ATG16L2: variants seen among roughly 807,000 people sequenced by gnomAD.
The protein encoded by ATG16L2 is protein Atg16l2.
Under a neutral mutation model 84.7 loss-of-function variants are expected in ATG16L2, and 77 were observed. The ratio of observed to expected loss-of-function variants is 0.91; its 90% CI spans 0.76 to 1.10. ATG16L2 has a LOEUF of 1.10. Among genes scored for constraint, ATG16L2 ranks in the 50% least tolerant of loss-of-function variants. The pLI is 0.00. For synonymous variants in ATG16L2, 361 were observed against 342.8 expected (o/e 1.05, Z -0.59); for missense variants, 782 against 817.6 (o/e 0.96, Z 0.53).
exon 6 of ATG16L2, chr11:72,843,224 G>A: frequency 6.2e-7 from 1 of 1,614,022 alleles, no homozygotes; most frequent in Non-Finnish European, 8.5e-7. Flanking sequence ...GTGACCGACT[G>A]TCCAAAGCGG....
intron 15 of ATG16L2, 27 bp from the exon 16 acceptor site, chr11:72,828,702 T>C: frequency 6.2e-7 from 1 of 1,613,986 alleles, no homozygotes; most frequent in Non-Finnish European, 8.5e-7. Context: ...TGACCTCTGT[T>C]CTGACCCCAG....
chr11:72,841,619 C>A, intron 5 of ATG16L2: 1 of 1,552,662 alleles, frequency 6.4e-7, no homozygotes, highest in East Asian at 2.3e-5. Flanking sequence ...CCGGTGCTCC[C>A]CTCCAGGAAG....
At chr11:72,816,990 GC>G (rs1201338689) in intron 2 of ATG16L2, among the ~76,000 whole-genome samples, 163 bp downstream of exon 2, 1 of 152,102 alleles carries the variant, frequency 6.6e-6, no homozygotes, top group African/African-American at 2.4e-5. Flanking sequence ...GGGGAGGCAG[GC>G]CCTTGGCCTT....
At chr11:72,833,364 A>G (rs897549921), downstream of ATG16L2, among the ~76,000 whole-genome samples, 5 of 152,230 alleles carry the variant, frequency 3.3e-5, no homozygotes, top group Admixed American at 6.5e-5. Flanking sequence ...ACATTACCCT[A>G]TTTCATCCTC....
chr11:72,833,363 T>C (rs779638371), downstream of ATG16L2, among the ~76,000 whole-genome samples: 6 of 152,240 alleles, frequency 3.9e-5, no homozygotes, highest in Non-Finnish European at 8.8e-5. Flanking sequence ...TACATTACCC[T>C]ATTTCATCCT....
At position 72,821,653 on chromosome 11, in the gene ATG16L2, C is replaced by G. The variant is rs760470731; in HGVS notation, c.319-15C>G. 5.2e-6 allele frequency: 8 copies of G among 1,531,868 alleles called. No homozygotes were observed. The highest frequency in any genetic ancestry group is 4.1e-5 in the African/African-American group (3 of 72,848). The allele number at this position is 1,531,868 out of a possible 1,614,324, so 94.9% of individuals were successfully genotyped here. On this transcript the variant is annotated splice_polypyrimidine_tract_variant and intron_variant, in intron 3 of 17. Transcript: ENST00000321297. ...AGGGGCCTCAGCGCCGCCGTGCCCA[C>G]CTGTCCGCCCCCAGATGGCCTACCA...
At chr11:72,821,933 C>T in intron 4 of ATG16L2, 111 bp from the exon 5 acceptor site, 1 of 1,422,978 alleles carries the variant, frequency 7.0e-7, no homozygotes, top group Non-Finnish European at 9.2e-7. Context: ...GCTTAGCCAC[C>T]CGGCTAGCCG....
chr11:72,815,405 G>A (rs948139087), intron 1 of ATG16L2, among the ~76,000 whole-genome samples: 1 of 152,130 alleles, frequency 6.6e-6, no homozygotes, highest in Non-Finnish European at 1.5e-5. Flanking sequence ...CTACCTTCAG[G>A]GTTGCGAGGC....
chr11:72,824,115 C>T lies in ATG16L2; in HGVS notation c.880C>T (p.Leu294Phe). The part of the protein sequence containing the change: ...LSHCVDVVKG[L>F]LDFKKRRGHS... ...CCACTGTGTGGATGTGGTGAAGGGG[C>T]TTCTGGAGTAAGTGTGTGTGTGCCT... The change falls in exon 8 of 18, where the codon CTT (leucine) becomes TTT (phenylalanine). Residue 294 changes from leucine to phenylalanine, a missense_variant. Physicochemically the swap from Leu to Phe is conservative, Grantham distance 22. Coordinates refer to ENST00000321297, the MANE Select transcript of ATG16L2 (RefSeq NM_033388.2). The T allele has an allele frequency of 6.2e-7, 1 of 1,614,206 alleles. No individual in the cohort carries two copies. The highest frequency in any genetic ancestry group is 2.2e-5 in the East Asian group (1 of 44,880).
At chr11:72,835,722 C>A (rs1860711375) in intron 5 of ATG16L2, among the ~76,000 whole-genome samples, 1 of 151,884 alleles carries the variant, frequency 6.6e-6, no homozygotes, top group Non-Finnish European at 1.5e-5. Context: ...ACTTAGGAAT[C>A]TACCCAACAT....
In ATG16L2 at chr11:72,817,858, A is replaced by T. The variant is rs775678649; in HGVS notation, c.318+3A>T. ...GGCTCCGGCTGGTCTGTGGTGAGGT[A>T]AGTTGGGAAGGGGTCTGAAAATGGG... On this transcript the variant is annotated splice_donor_region_variant and intron_variant, in intron 3 of 17. Transcript: ENST00000321297. 1.2e-6 allele frequency: 2 copies of T among 1,607,698 alleles called. No homozygotes were observed. The highest frequency in any genetic ancestry group is 1.7e-6 in the Non-Finnish European group (2 of 1,179,412).
chr11:72,831,101 C>T (rs1459234401), downstream of ATG16L2, among the ~76,000 whole-genome samples: 3 of 152,216 alleles, frequency 2.0e-5, no homozygotes, highest in Non-Finnish European at 2.9e-5. Context: ...TATCTGCCTC[C>T]TCCATTTTAA....
intron 5 of ATG16L2, chr11:72,838,952 C>G: frequency 7.4e-7 from 1 of 1,359,178 alleles, no homozygotes; most frequent in Non-Finnish European, 1.0e-6. Flanking sequence ...CCTAATCACT[C>G]ATCTGTCCAA....
At chr11:72,841,694 T>C in intron 5 of ATG16L2, 1 of 1,182,160 alleles carries the variant, frequency 8.5e-7, no homozygotes, top group Non-Finnish European at 1.2e-6. Flanking sequence ...AAGCTGATTG[T>C]TGAAACTTGT....
rs1860088100 is a variant in ATG16L2 at position 72,822,752 on chromosome 11, A to C, written c.711-96A>C. On this transcript the variant is annotated intron_variant, in intron 6 of 17. Coordinates refer to ENST00000321297, the MANE Select transcript of ATG16L2 (RefSeq NM_033388.2). This position sits in a 1 kb window ranked among gnomAD's most constrained non-coding sequence, Gnocchi z 4.2. The stretch of plus-strand genomic sequence containing the variant: ...ACGTGTACACCCACACAGAACCCTC[A>C]TCACTGGGAATTCCTGTCTTCAGCG... 1 of 1,091,862 alleles carries C rather than the reference A, an allele frequency of 9.2e-7. No homozygotes were observed. Among genetic ancestry groups the C allele is most frequent in the East Asian group, 2.6e-5 (1 of 38,674 alleles). The allele number at this position is 1,091,862 out of a possible 1,614,324, so 67.6% of individuals were successfully genotyped here.
downstream of ATG16L2, among the ~76,000 whole-genome samples, chr11:72,829,896 G>A (rs1255861214): frequency 6.6e-6 from 1 of 152,212 alleles, no homozygotes; most frequent in African/African-American, 2.4e-5. Flanking sequence ...GGGCCCACCT[G>A]CTTCAGGCAC....
chr11:72,837,551 A>ACAGTCGACAGCG lies in ATG16L2; in HGVS notation c.*22-5066_*22-5065insCAGTCGACAGCG, dbSNP rs1565278192. ...CCTACCTTCTACAGGAGCGGACAGCAGACAGTCAGCACCTGACGTGGGGGC... is the reference window on the plus strand; with the variant it reads ...CCTACCTTCTACAGGAGCGGACAGCACAGTCGACAGCGGACAGTCAGCACCTGACGTGGGGGC... On this transcript the variant is annotated intron_variant, in intron 5 of 5. Coordinates refer to the ATG16L2 transcript ENST00000534905. 5 of 152,238 alleles carry ACAGTCGACAGCG rather than the reference A, an allele frequency of 3.3e-5. No individual in the cohort carries two copies. In the East Asian group the frequency reaches 9.7e-4, roughly 29 times the overall value. 9.4% of individuals were successfully genotyped at this position (152,238 alleles called of 1,614,324 possible). A position where few individuals can be genotyped will look rare whatever the true frequency, so the allele number is the denominator to read the frequency against.
intron 1 of ATG16L2, among the ~76,000 whole-genome samples, chr11:72,814,896 G>A (rs764042916): frequency 9.8e-5 from 15 of 152,338 alleles, no homozygotes; most frequent in Middle Eastern, 6.8e-3. Context: ...CAGTCCCCGG[G>A]GTAGGGGCTT....
chr11:72,826,787 C>T lies in ATG16L2; in HGVS notation c.1330C>T (p.Arg444Trp), dbSNP rs1860385892. Reference protein sequence around the residue: ...RHQAVTGSRDRTVKEWDLGRA... With the variant: ...RHQAVTGSRDWTVKEWDLGRA... ...CCAGGCAGTGACTGGGAGCCGCGAC[C>T]GGACAGTGAAGGAGTGGGACCTCGG... The change falls in exon 13 of 18, where the codon CGG (arginine) becomes TGG (tryptophan). Residue 444 changes from arginine (R) to tryptophan (W), a missense_variant. Coordinates refer to ENST00000321297, the MANE Select transcript of ATG16L2 (RefSeq NM_033388.2). 5.0e-6 allele frequency: 8 copies of T among 1,613,896 alleles called. No individual in the cohort carries two copies. The highest frequency in any genetic ancestry group is 1.7e-5 in the Admixed American group (1 of 59,996).
Sources: allele counts gnomAD v4.1 joint callset (sites outside exome capture counted in the v4.1 genomes callset), GRCh38; gene constraint gnomAD v4.1.1; non-coding constraint Gnocchi (gnomAD v3.1); transcripts MANE v1.5; gene names NCBI Gene and HGNC (gene_info 2026-07-23, HGNC 2026-07-21).